The following ZNF613 variants were observed in gnomAD, a reference collection of about 807,000 sequenced individuals.
ZNF613 encodes zinc finger protein 613.
ZNF613 carries 8 observed loss-of-function variants against 14.3 expected under a neutral mutation model. That is an observed-to-expected ratio of 0.56 (90% CI 0.33 to 1.01). The LOEUF (loss-of-function observed/expected upper bound fraction) is 1.01. Ranked by LOEUF, ZNF613 falls within the 50% of genes least tolerant of loss-of-function variation. ZNF613 has a pLI of 0.03. For synonymous variants in ZNF613, 228 were observed against 254.5 expected (o/e 0.90, Z 0.99); for missense variants, 656 against 741.9 (o/e 0.88, Z 1.35).
At chr19:51,941,915 A>G (rs768509096) in intron 5 of ZNF613, among the ~76,000 whole-genome samples, 4 of 152,182 alleles carry the variant, frequency 2.6e-5, no homozygotes, top group African/African-American at 4.8e-5. Context: ...CTTTGCTTCA[A>G]TTTCCTTTTG....
chr19:51,932,708 C>G (rs2085276272), intron 2 of ZNF613, among the ~76,000 whole-genome samples: 1 of 151,266 alleles, frequency 6.6e-6, no homozygotes, highest in African/African-American at 2.4e-5. Context: ...CAGGGTCTCA[C>G]TCTATTGCCC....
At position 51,940,227 on chromosome 19, in the gene ZNF613, G is replaced by T. The variant is rs2085336261; in HGVS notation, c.34G>T (p.Asp12Tyr). The T allele has an allele frequency of 6.2e-7, 1 of 1,613,558 alleles. No individual in the cohort carries two copies. The highest frequency in any genetic ancestry group is 1.7e-5 in the Admixed American group (1 of 59,984). ...ATTACAGGAATCACTGACCCTGGAGGATGTGGCTGTGGAGTTCACTTGGGA... is the reference window on the plus strand; with the variant it reads ...ATTACAGGAATCACTGACCCTGGAGTATGTGGCTGTGGAGTTCACTTGGGA... ...IKSQESLTLE[D>Y]VAVEFTWEEW... The change falls in exon 4 of 6, where the codon GAT becomes TAT. Residue 12 changes from aspartate to tyrosine, a missense_variant. Asp to Tyr is a radical substitution (Grantham distance 160, BLOSUM62 -3). Coordinates refer to ENST00000293471, the MANE Select transcript of ZNF613 (RefSeq NM_001031721.4).
At chr19:51,943,950 G>A (rs1238058558) in intron 5 of ZNF613, among the ~76,000 whole-genome samples, 169 bp from the exon 6 acceptor site, 1 of 152,188 alleles carries the variant, frequency 6.6e-6, no homozygotes, top group Non-Finnish European at 1.5e-5. Context: ...TGTTTTCTTT[G>A]TTTAAATTAT....
intron 1 of ZNF613, chr19:51,927,908 G>C (rs1226304272): frequency 2.6e-5 from 4 of 152,104 alleles, no homozygotes; most frequent in South Asian, 2.1e-4. Flanking sequence ...TGAGTGCAGT[G>C]GCGCAATCGT....
intron 3 of ZNF613, among the ~76,000 whole-genome samples, chr19:51,937,045 G>A (rs566550279): frequency 1.3e-5 from 2 of 152,330 alleles, no homozygotes; most frequent in South Asian, 4.1e-4. Flanking sequence ...GGTGCTGGGA[G>A]GTTGGTGTGT....
At chr19:51,929,001 T>G (rs575197164) in intron 1 of ZNF613, among the ~76,000 whole-genome samples, 11 of 152,346 alleles carry the variant, frequency 7.2e-5, no homozygotes, top group African/African-American at 2.6e-4. Context: ...AATATTTTCT[T>G]TCAGGTTCTG....
chr19:51,940,905 C>T (rs976018556), intron 5 of ZNF613, among the ~76,000 whole-genome samples, 196 bp downstream of exon 5: 1 of 152,062 alleles, frequency 6.6e-6, no homozygotes, highest in Admixed American at 6.6e-5. Context: ...TGGATTTCAT[C>T]ACTGTTTATT....
At chr19:51,938,725 G>GATATATATATATATATATATATAT (rs113608259) in intron 3 of ZNF613, among the ~76,000 whole-genome samples, 10 of 118,878 alleles carry the variant, frequency 8.4e-5, no homozygotes, top group African/African-American at 2.8e-4. Context: ...AATGTACATG[G>GATATATATATATATATATATATAT]ATATATATAT....
intron 5 of ZNF613, among the ~76,000 whole-genome samples, chr19:51,941,571 A>C (rs952308532): frequency 2.7e-5 from 4 of 149,190 alleles, no homozygotes; most frequent in African/African-American, 9.9e-5. Context: ...TTTTTCTCCC[A>C]CTCTGAGGTC....
Position 51,940,608 on chromosome 19 carries a change from T to C in ZNF613, c.143-9T>C, listed in dbSNP as rs930000729. On this transcript the variant is annotated splice_polypyrimidine_tract_variant and intron_variant, in intron 4 of 5. Transcript: ENST00000293471. ...TGAGCCTAAGTTGTGTATCATTTCCTATGAACAGGGTATCAAGCCAGCAAA... is the reference window on the plus strand; with the variant it reads ...TGAGCCTAAGTTGTGTATCATTTCCCATGAACAGGGTATCAAGCCAGCAAA... 1 of 1,609,328 alleles carries C rather than the reference T, an allele frequency of 6.2e-7. No homozygotes were observed. The highest frequency in any genetic ancestry group is 1.7e-5 in the Admixed American group (1 of 59,588).
At chr19:51,934,951 G>A (rs1485495986) in intron 2 of ZNF613, among the ~76,000 whole-genome samples, 1 of 152,166 alleles carries the variant, frequency 6.6e-6, no homozygotes, top group Non-Finnish European at 1.5e-5. Context: ...CCACAATTAC[G>A]TGCTTCTGAG....
intron 2 of ZNF613, among the ~76,000 whole-genome samples, chr19:51,933,308 G>A (rs2085281473): frequency 6.6e-6 from 1 of 152,150 alleles, no homozygotes; most frequent in Non-Finnish European, 1.5e-5. Flanking sequence ...TTTTGCCCCA[G>A]GCAGCTGAAG....
chr19:51,945,156 GA>G lies in ZNF613; in HGVS notation c.1274del (p.Glu425GlyfsTer19). The G allele has an allele frequency of 6.2e-7, 1 of 1,614,128 alleles. No individual in the cohort carries two copies. The highest frequency in any genetic ancestry group is 8.5e-7 in the Non-Finnish European group (1 of 1,180,016). On this transcript the variant is annotated frameshift_variant, in exon 6 of 6. Transcript: ENST00000293471. LOFTEE classifies it low-confidence loss of function (END_TRUNC). Reference protein sequence around the residue: ...LLIHRRTHTGEKPYVCNECGK... With the variant: ...LLIHRRTHTGXKPYVCNECGK... ...TATTCATCGACGTACTCACACTGGAGAGAAACCCTATGTATGCAATGAATGT... is the reference window on the plus strand; with the variant it reads ...TATTCATCGACGTACTCACACTGGAGGAAACCCTATGTATGCAATGAATGT...
rs1387842898 is a variant in ZNF613, at chr19:51,945,914, C to A, written c.*177C>A. ...AGTATGAAGTGGAGACTGGGAAATT[C>A]TTTTATGGGAAGATAGATCTTCTCA... is the stretch of plus-strand genomic sequence containing the variant. On this transcript the variant is annotated 3_prime_UTR_variant, in exon 6 of 6. Transcript: ENST00000293471. The A allele has an allele frequency of 4.6e-6, 3 of 649,220 alleles. No individual in the cohort carries two copies. The highest frequency in any genetic ancestry group is 2.0e-5 in the South Asian group (1 of 51,152). The allele number at this position is 649,220 out of a possible 1,614,324, so 40.2% of individuals were successfully genotyped here.
chr19:51,932,517 G>C (rs141779047), intron 2 of ZNF613, among the ~76,000 whole-genome samples: 7 of 151,102 alleles, frequency 4.6e-5, no homozygotes, highest in African/African-American at 1.7e-4. Flanking sequence ...GGCTAGTCTC[G>C]AACTCCCGAT....
chr19:51,935,226 G>GT (rs2122811898), intron 2 of ZNF613, among the ~76,000 whole-genome samples: 1 of 152,332 alleles, frequency 6.6e-6, no homozygotes, highest in South Asian at 2.1e-4. Flanking sequence ...GTAGCGTGCA[G>GT]TTTTTCCATT....
At chr19:51,928,374 GGCTGAA>G (rs2085235252) in intron 1 of ZNF613, among the ~76,000 whole-genome samples, 1 of 152,220 alleles carries the variant, frequency 6.6e-6, no homozygotes, top group Non-Finnish European at 1.5e-5. Context: ...AGCTTGTGAA[GGCTGAA>G]GCCTTGGCAG....
At position 51,940,355 on chromosome 19, in the gene ZNF613, GT is replaced by G; in HGVS notation, c.142+21del. 1 of 1,612,912 alleles carries G rather than the reference GT, an allele frequency of 6.2e-7. No homozygotes were observed. The highest frequency in any genetic ancestry group is 8.5e-7 in the Non-Finnish European group (1 of 1,179,302). ...CAGTGGGTGAGGACAGCTGCCCTGT[GT>G]CACTCAGAGAGTACCCAGTCAAAGG... On this transcript the variant is annotated intron_variant, in intron 4 of 5. Transcript: ENST00000293471.
Position 51,944,579 on chromosome 19 carries a change from T to C in ZNF613, c.696T>C (p.His232=), listed in dbSNP as rs993460399. The C allele has an allele frequency of 5.0e-6, 8 of 1,614,072 alleles. No homozygotes were observed. Among genetic ancestry groups the C allele is most frequent in the Non-Finnish European group, 5.9e-6 (7 of 1,180,048 alleles). Residue 232 remains histidine, a synonymous_variant, in exon 6 of 6, where the codon CAT becomes CAC. Coordinates refer to ENST00000293471, the MANE Select transcript of ZNF613 (RefSeq NM_001031721.4). ...GAGTTCACACTGGGGAGAAACCTCA[T>C]GGATGCAGTATATGTGGGAAAGCCT... is the stretch of plus-strand genomic sequence containing the variant. ...HQRVHTGEKP[H]GCSICGKAFS...
Sources: allele counts gnomAD v4.1 joint callset (sites outside exome capture counted in the v4.1 genomes callset), GRCh38; gene constraint gnomAD v4.1.1; transcripts MANE v1.5; gene names NCBI Gene and HGNC (gene_info 2026-07-23, HGNC 2026-07-21).